AK9: variants seen among roughly 807,000 people sequenced by gnomAD.
AK9 encodes the protein adenylate kinase domain containing 1.
In AK9, 191 loss-of-function variants were observed where a neutral mutation model predicts 239.6. That is an observed-to-expected ratio of 0.80 (90% confidence interval 0.71 to 0.90). AK9 has a LOEUF of 0.90. Ranked by LOEUF, AK9 falls within the 40% of genes least tolerant of loss-of-function variation. The pLI is 0.00. For missense variants in AK9, 1,995 were observed against 2,214.7 expected, an observed-to-expected ratio of 0.90 and a Z score of 1.99; for synonymous variants, 689 against 721.0, an observed-to-expected ratio of 0.96 and a Z score of 0.71.
chr6:109,561,089 G>C lies in AK9; in HGVS notation c.2751+2508C>G, dbSNP rs113861188. On this transcript the variant is annotated intron_variant, in intron 24 of 40. Coordinates refer to ENST00000424296, the MANE Select transcript of AK9 (RefSeq NM_001145128.3). ...CTGCCCCAGCCTCCTGAGTAGCTGG[G>C]ATTACAGGTGCGCATGACCACACCT... Among the ~76,000 whole-genome samples, 954 of 152,112 alleles carry C rather than the reference G, an allele frequency of 6.3e-3. 16 individuals carry two copies. Among genetic ancestry groups the C allele is most frequent in the African/African-American group, 0.022 (907 of 41,462 alleles).
chr6:109,534,591 A>AATAT (rs201503326), intron 27 of AK9, among the ~76,000 whole-genome samples: 1 of 150,064 alleles, frequency 6.7e-6, no homozygotes, highest in Admixed American at 6.6e-5. Flanking sequence ...TATTGGCCAT[A>AATAT]ATATATATAT....
At chr6:109,584,706 T>C (rs1789269354) in intron 19 of AK9, among the ~76,000 whole-genome samples, 3 of 152,128 alleles carry the variant, frequency 2.0e-5, no homozygotes, top group South Asian at 2.1e-4. Flanking sequence ...TTTCCATGTG[T>C]AGAACTTAGT....
intron 17 of AK9, among the ~76,000 whole-genome samples, chr6:109,590,771 C>A (rs181369104): frequency 2.8e-4 from 42 of 152,246 alleles, no homozygotes; most frequent in African/African-American, 9.6e-4. Context: ...TTAATTTCAT[C>A]ATTGATCCAA....
At chr6:109,508,486 G>T (rs571252415) in intron 33 of AK9, among the ~76,000 whole-genome samples, 24 of 152,298 alleles carry the variant, frequency 1.6e-4, no homozygotes, top group African/African-American at 4.3e-4. Context: ...CCCAGAAGCT[G>T]CTCCCCAGTA....
At chr6:109,575,747 T>A (rs758940307) in intron 20 of AK9, among the ~76,000 whole-genome samples, 5 of 152,194 alleles carry the variant, frequency 3.3e-5, no homozygotes, top group Non-Finnish European at 1.5e-5. Context: ...CCTAAGCCAA[T>A]GTCTATAATA....
At chr6:109,654,252 A>T (rs1362653192) in intron 8 of AK9, among the ~76,000 whole-genome samples, 4 of 152,312 alleles carry the variant, frequency 2.6e-5, no homozygotes, top group African/African-American at 7.2e-5. Flanking sequence ...TAGACCGACA[A>T]CAGATTATAT....
intron 27 of AK9, among the ~76,000 whole-genome samples, chr6:109,536,119 A>G (rs7450225): frequency 0.58 from 88,554 of 152,002 alleles, 27,482 homozygotes; most frequent in South Asian, 0.84. Context: ...GAACTTTAAG[A>G]TAGTTTTTTT....
chr6:109,568,153 T>C (rs192114461), intron 21 of AK9, among the ~76,000 whole-genome samples: 1 of 152,126 alleles, frequency 6.6e-6, no homozygotes, highest in Non-Finnish European at 1.5e-5. Flanking sequence ...TAATCCAGCA[T>C]ATAAACACAA....
intron 8 of AK9, among the ~76,000 whole-genome samples, chr6:109,647,557 C>A (rs911587158): frequency 6.6e-6 from 1 of 152,162 alleles, no homozygotes; most frequent in Non-Finnish European, 1.5e-5. Context: ...AATATATATG[C>A]ACCCAATACA....
intron 27 of AK9, among the ~76,000 whole-genome samples, chr6:109,540,945 C>T (rs1194594995): frequency 6.6e-6 from 1 of 152,160 alleles, no homozygotes; most frequent in Non-Finnish European, 1.5e-5. Flanking sequence ...TGTCAAAAAT[C>T]ATACTGTTAG....
chr6:109,508,253 C>T (rs1778320656), intron 33 of AK9, among the ~76,000 whole-genome samples: 1 of 152,128 alleles, frequency 6.6e-6, no homozygotes, highest in Non-Finnish European at 1.5e-5. Context: ...TCAAGAGTAG[C>T]TCAACTTCTT....
chr6:109,561,511 G>A (rs565474011), intron 24 of AK9, among the ~76,000 whole-genome samples: 66 of 150,988 alleles, frequency 4.4e-4, no homozygotes, highest in Non-Finnish European at 8.4e-4. Context: ...ATGGGGTTTC[G>A]CCATGTTGCC....
At chr6:109,528,722 T>C in intron 29 of AK9, 1 of 511,768 alleles carries the variant, frequency 2.0e-6, no homozygotes, top group Non-Finnish European at 3.8e-6. Flanking sequence ...TATTTTCTGA[T>C]ATTCCTCTTT....
At chr6:109,552,220 A>C (rs551445639) in intron 24 of AK9, among the ~76,000 whole-genome samples, 1 of 151,134 alleles carries the variant, frequency 6.6e-6, no homozygotes, top group South Asian at 2.1e-4. Flanking sequence ...CAATAAACAT[A>C]GTGCTAATGG....
intron 6 of AK9, among the ~76,000 whole-genome samples, chr6:109,661,273 T>C (rs949904700): frequency 1.3e-5 from 2 of 152,240 alleles, no homozygotes; most frequent in African/African-American, 4.8e-5. Context: ...CAGTCTCTTA[T>C]ATTAAGACCC....
At chr6:109,611,062 G>A (rs1793524158) in intron 16 of AK9, among the ~76,000 whole-genome samples, 1 of 152,098 alleles carries the variant, frequency 6.6e-6, no homozygotes, top group Non-Finnish European at 1.5e-5. Context: ...TGATGTAAAT[G>A]TTTGTTCATC....
chr6:109,516,985 C>T (rs1023714610), intron 29 of AK9, among the ~76,000 whole-genome samples: 1 of 152,034 alleles, frequency 6.6e-6, no homozygotes, highest in African/African-American at 2.4e-5. Flanking sequence ...CTTGCAACTT[C>T]TGCGTTCCTT....
rs1196511186 is a variant in AK9, at chr6:109,649,348, G to A, written c.760-4660C>T. Among the ~76,000 whole-genome samples, 16 of 152,040 alleles carry A rather than the reference G, an allele frequency of 1.1e-4. No individual in the cohort carries two copies. In the East Asian group the frequency reaches 2.1e-3, roughly 20 times the overall value. ...GATTGCATATCTAGAAAACCCCATC[G>A]TCTCAGCCCAAAATCTCCTCAAGCT... On this transcript the variant is annotated intron_variant, in intron 8 of 40. Transcript: ENST00000424296.
At chr6:109,661,023 T>C (rs369922000) in intron 6 of AK9, 8 of 471,478 alleles carry the variant, frequency 1.7e-5, no homozygotes, top group South Asian at 3.3e-5. Flanking sequence ...ATGTATAATT[T>C]CAAGAGGTTC....
Sources: allele counts gnomAD v4.1 joint callset (sites outside exome capture counted in the v4.1 genomes callset), GRCh38; gene constraint gnomAD v4.1.1; transcripts MANE v1.5; gene names NCBI Gene and HGNC (gene_info 2026-07-23, HGNC 2026-07-21).